Variants in MICAL3 observed in about 807,000 individuals in gnomAD.
MICAL3 encodes [F-actin]-monooxygenase MICAL3.
MICAL3 carries 62 observed loss-of-function variants against 207.4 expected under a neutral mutation model. The ratio of observed to expected loss-of-function variants is 0.30; its 90% CI spans 0.24 to 0.37. The LOEUF (loss-of-function observed/expected upper bound fraction) is 0.37, where lower values mean the gene tolerates loss of function less well. Ranked by LOEUF, MICAL3 falls within the 10% of genes least tolerant of loss-of-function variation. The pLI, the probability that MICAL3 is intolerant of heterozygous loss-of-function variation, is 1.00. For synonymous variants in MICAL3, 1,077 were observed against 1,069.3 expected, an observed-to-expected ratio of 1.01 and a Z score of -0.14; for missense variants, 2,368 against 2,635.6, an observed-to-expected ratio of 0.90 and a Z score of 2.22.
intron 1 of MICAL3, among the ~76,000 whole-genome samples, chr22:17,982,946 C>T (rs1040733766): frequency 4.6e-5 from 7 of 152,084 alleles, no homozygotes; most frequent in African/African-American, 1.4e-4. Context: ...CTTGTGAGCT[C>T]GGCTCCTCAT....
intron 1 of MICAL3, among the ~76,000 whole-genome samples, chr22:17,969,639 A>G (rs1935312755): frequency 6.6e-6 from 1 of 152,154 alleles, no homozygotes; most frequent in African/African-American, 2.4e-5. Flanking sequence ...GTGAGGCAGG[A>G]CTGTTACTCT....
intron 26 of MICAL3, 75 bp from the exon 27 acceptor site, chr22:17,816,859 T>G (rs1172070011): frequency 3.6e-6 from 4 of 1,121,642 alleles, no homozygotes; most frequent in Non-Finnish European, 5.2e-6. Flanking sequence ...TATGCTCCCA[T>G]GTGCAGCCAA....
chr22:17,837,958 A>G (rs1923577641), intron 20 of MICAL3, among the ~76,000 whole-genome samples: 1 of 152,230 alleles, frequency 6.6e-6, no homozygotes, highest in East Asian at 1.9e-4. Context: ...CTGGGACCAC[A>G]GGAGCGTACC....
intron 1 of MICAL3, among the ~76,000 whole-genome samples, chr22:17,948,134 C>T (rs149601895): frequency 4.1e-4 from 63 of 152,328 alleles, no homozygotes; most frequent in Admixed American, 9.2e-4. Context: ...CCCATCCCTG[C>T]CACTGGAAAA....
At chr22:17,867,775 C>A (rs1255618332) in intron 17 of MICAL3, among the ~76,000 whole-genome samples, 1 of 152,254 alleles carries the variant, frequency 6.6e-6, no homozygotes, top group African/African-American at 2.4e-5. Flanking sequence ...AAAGTTAAGG[C>A]TTCAACTGTC....
intron 19 of MICAL3, among the ~76,000 whole-genome samples, chr22:17,849,933 C>T (rs1196876696): frequency 6.6e-5 from 10 of 151,876 alleles, no homozygotes; most frequent in Admixed American, 2.0e-4. Context: ...CCTCGTGATC[C>T]GCCCGCCTTA....
chr22:17,804,499 G>C (rs1203607564), intron 29 of MICAL3, among the ~76,000 whole-genome samples: 1 of 152,206 alleles, frequency 6.6e-6, no homozygotes, highest in Non-Finnish European at 1.5e-5. Context: ...GAAACGAGCA[G>C]AGACTCATGC....
rs1489723762 is a variant in MICAL3, at chr22:17,796,711, T to G, written c.5651-5410A>C. Among the ~76,000 whole-genome samples, 1 of 152,200 alleles carries G rather than the reference T, an allele frequency of 6.6e-6. No homozygotes were observed. The highest frequency in any genetic ancestry group is 2.4e-5 in the African/African-American group (1 of 41,438). On this transcript the variant is annotated intron_variant, in intron 29 of 31. Coordinates refer to ENST00000441493, the MANE Select transcript of MICAL3 (RefSeq NM_015241.3). This position sits in a 1 kb window ranked among gnomAD's most constrained non-coding sequence, Gnocchi z 4.4. ...CGATGTCCCTTCCTGCCTCGTCTTC[T>G]GAAGAGGCCCTGAGAGGGTAAGTAG...
At chr22:17,884,484 G>A (rs1345241219) in intron 16 of MICAL3, 7 of 658,810 alleles carry the variant, frequency 1.1e-5, no homozygotes, top group African/African-American at 1.9e-5. Flanking sequence ...TGAACTGTGG[G>A]GAAGAGGGGG....
intron 1 of MICAL3, among the ~76,000 whole-genome samples, chr22:17,992,768 C>G (rs190469776): frequency 1.8e-3 from 277 of 152,302 alleles, no homozygotes; most frequent in African/African-American, 6.3e-3. Context: ...TTTTCTGCCC[C>G]ATTCCTCTTC....
intron 2 of MICAL3, 23 bp downstream of exon 2, chr22:17,906,526 G>A: frequency 6.2e-7 from 1 of 1,612,570 alleles, no homozygotes; most frequent in Non-Finnish European, 8.5e-7. Flanking sequence ...GTGACCCCAG[G>A]GCCCAACAGG....
chr22:17,824,736 A>G (rs1200950080), intron 22 of MICAL3, among the ~76,000 whole-genome samples: 3 of 152,202 alleles, frequency 2.0e-5, no homozygotes, highest in African/African-American at 7.2e-5. Flanking sequence ...ATCCTACAGC[A>G]TCGGCACCTG....
chr22:17,866,613 C>CAGAACAGAACAGAATAGAAT (rs1467864211), intron 17 of MICAL3, among the ~76,000 whole-genome samples: 4 of 136,176 alleles, frequency 2.9e-5, no homozygotes, highest in African/African-American at 1.1e-4. Flanking sequence ...TAGAACAGAA[C>CAGAACAGAACAGAATAGAAT]AGAATAGAAT....
At chr22:17,870,414 G>GCTA (rs1372607491) in intron 17 of MICAL3, among the ~76,000 whole-genome samples, 1 of 152,164 alleles carries the variant, frequency 6.6e-6, no homozygotes, top group Admixed American at 6.5e-5. Context: ...CGTGTCGCCT[G>GCTA]CTACTCTTCA....
At chr22:17,851,054 T>C (rs1050744757) in intron 19 of MICAL3, among the ~76,000 whole-genome samples, 2 of 152,176 alleles carry the variant, frequency 1.3e-5, no homozygotes, top group African/African-American at 4.8e-5. Context: ...TCCTCTTAAA[T>C]TGCACGAGTG....
chr22:17,898,421 T>A (rs1931037611), intron 7 of MICAL3, among the ~76,000 whole-genome samples: 1 of 152,254 alleles, frequency 6.6e-6, no homozygotes, highest in African/African-American at 2.4e-5. Context: ...GTGGCTGTGC[T>A]GAGAAACACA....
chr22:17,993,972 C>T (rs1207110869), intron 1 of MICAL3, among the ~76,000 whole-genome samples: 1 of 152,164 alleles, frequency 6.6e-6, no homozygotes, highest in South Asian at 2.1e-4. Flanking sequence ...CCCTCTGTGC[C>T]CCACTTCCTA....
chr22:17,817,637 G>C lies in MICAL3; in HGVS notation c.5024C>G (p.Pro1675Arg). ...HEATSEEVLS[P>R]PSDSGGPDGS... ...ATCTGGGCCCCCTGAGTCCGACGGC[G>C]GGGAGAGGACCTCCTCGCTGGTGGC... is the stretch of plus-strand genomic sequence containing the variant. The change falls in exon 26 of 32, where the codon CCG becomes CGG. Residue 1675 changes from proline (P) to arginine (R), a missense_variant. By Grantham distance (103) the Pro-to-Arg change is moderately radical. Around this residue, in one of 4 missense-constraint regions of MICAL3, gnomAD observed 1,770 missense variants for 1,863.2 expected, o/e 0.95. Transcript: ENST00000441493. 1 of 1,612,950 alleles carries C rather than the reference G, an allele frequency of 6.2e-7. No individual in the cohort carries two copies. The highest frequency in any genetic ancestry group is 8.5e-7 in the Non-Finnish European group (1 of 1,179,852).
intron 16 of MICAL3, chr22:17,881,158 AG>A: frequency 6.8e-7 from 1 of 1,478,264 alleles, no homozygotes. Flanking sequence ...CTACACAGAC[AG>A]GCAGGCAGAC....
Sources: allele counts gnomAD v4.1 joint callset (sites outside exome capture counted in the v4.1 genomes callset), GRCh38; gene constraint gnomAD v4.1.1; regional missense constraint gnomAD v4.1.1; non-coding constraint Gnocchi (gnomAD v3.1); transcripts MANE v1.5; gene names NCBI Gene and HGNC (gene_info 2026-07-23, HGNC 2026-07-21).